The following ELMO1 variants were observed in gnomAD, a reference collection of about 807,000 sequenced individuals.
ELMO1 encodes the protein engulfment and cell motility protein 1.
A neutral mutation model predicts 98.9 loss-of-function variants in ELMO1; 26 were observed. That is an observed-to-expected ratio of 0.26 (90% CI 0.19 to 0.36). The LOEUF (loss-of-function observed/expected upper bound fraction) is 0.36, where lower values mean the gene tolerates loss of function less well. Among genes scored for constraint, ELMO1 ranks in the 10% least tolerant of loss-of-function variants. The pLI is 1.00. For synonymous variants in ELMO1, 346 were observed against 346.0 expected (o/e 1.00, Z 0.00); for missense variants, 627 against 935.2 (o/e 0.67, Z 4.30).
rs10676771 is a variant in ELMO1, at chr7:37,073,572, A to ATGTGTG, written c.1300+23041_1300+23046dup. Among the ~76,000 whole-genome samples the ATGTGTG allele has an allele frequency of 2.1e-3, 306 of 146,470 alleles. 1 individual carries two copies. The highest frequency in any genetic ancestry group is 6.0e-3 in the African/African-American group (240 of 40,040). ...ATCTGGTTTTTATTGTTGTTTTTGT[A>ATGTGTG]TGTGTGTGTGTGTGTGTGTGTGCAT... is the stretch of plus-strand genomic sequence containing the variant. On this transcript the variant is annotated intron_variant, in intron 15 of 21. Transcript: ENST00000310758.
At chr7:37,308,800 T>G (rs1798743624) in intron 4 of ELMO1, among the ~76,000 whole-genome samples, 1 of 152,012 alleles carries the variant, frequency 6.6e-6, no homozygotes, top group South Asian at 2.1e-4. Context: ...TCTAGGAGAG[T>G]CCAGTGCTTG....
At chr7:36,896,357 T>C (rs1002606681) in intron 16 of ELMO1, among the ~76,000 whole-genome samples, 4 of 152,202 alleles carry the variant, frequency 2.6e-5, no homozygotes, top group African/African-American at 9.6e-5. Context: ...AATATGCATA[T>C]GATATATTTC....
intron 15 of ELMO1, among the ~76,000 whole-genome samples, chr7:37,060,117 T>C (rs1796591008): frequency 6.6e-6 from 1 of 152,200 alleles, no homozygotes; most frequent in Non-Finnish European, 1.5e-5. Flanking sequence ...CATGCTTTCA[T>C]AAAGAGAACC....
intron 21 of ELMO1, among the ~76,000 whole-genome samples, chr7:36,857,695 A>G (rs557623915): frequency 2.6e-5 from 4 of 152,340 alleles, no homozygotes; most frequent in Admixed American, 2.6e-4. Context: ...TTTATCTTAA[A>G]AGAAAACCAC....
chr7:37,268,202 A>G (rs1194574717), intron 5 of ELMO1, among the ~76,000 whole-genome samples: 2 of 152,206 alleles, frequency 1.3e-5, no homozygotes, highest in East Asian at 1.9e-4. Context: ...GGCAGGTAGG[A>G]GACACTACAA....
chr7:37,401,560 G>A (rs1583691858), intron 1 of ELMO1, among the ~76,000 whole-genome samples: 1 of 152,176 alleles, frequency 6.6e-6, no homozygotes, highest in Admixed American at 6.5e-5. Context: ...TGGCTAAGGA[G>A]GCCTCAGGAA....
At chr7:37,432,874 T>C (rs1804988233) in intron 1 of ELMO1, among the ~76,000 whole-genome samples, 1 of 152,246 alleles carries the variant, frequency 6.6e-6, no homozygotes, top group Non-Finnish European at 1.5e-5. Context: ...CCCTGTAGGC[T>C]CTTGGGTGAC....
At chr7:36,876,244 G>T (rs944570599) in intron 19 of ELMO1, among the ~76,000 whole-genome samples, 1 of 152,110 alleles carries the variant, frequency 6.6e-6, no homozygotes, top group Non-Finnish European at 1.5e-5. Context: ...GAATGCTGGT[G>T]TGAGTTTTTC....
At chr7:37,318,137 T>C (rs1050882086) in intron 2 of ELMO1, among the ~76,000 whole-genome samples, 3 of 152,216 alleles carry the variant, frequency 2.0e-5, no homozygotes, top group African/African-American at 7.2e-5. Context: ...CCTAGGCCTT[T>C]GCAAGAAGCT....
At chr7:37,252,759 A>C (rs142273476) in intron 6 of ELMO1, among the ~76,000 whole-genome samples, 34,416 of 152,126 alleles carry the variant, frequency 0.23, 4,086 homozygotes, top group Middle Eastern at 0.32. Flanking sequence ...GAGCTTCTGC[A>C]CAGCAAAGGA....
intron 1 of ELMO1, among the ~76,000 whole-genome samples, chr7:37,356,882 C>T (rs1801520167): frequency 6.6e-6 from 1 of 152,152 alleles, no homozygotes; most frequent in African/African-American, 2.4e-5. Context: ...CAAAGTGGGT[C>T]ATAGAAACTA....
chr7:37,308,445 T>C (rs1294897494), intron 4 of ELMO1, among the ~76,000 whole-genome samples: 1 of 152,230 alleles, frequency 6.6e-6, no homozygotes, highest in African/African-American at 2.4e-5. Flanking sequence ...ACCATCAATC[T>C]AGCCCACTTT....
chr7:37,174,075 G>A (rs1055200912), intron 13 of ELMO1, among the ~76,000 whole-genome samples: 5 of 152,122 alleles, frequency 3.3e-5, no homozygotes, highest in African/African-American at 9.7e-5. Context: ...ATTCCTTAAC[G>A]TATTAAATGA....
chr7:37,097,275 C>T (rs1193734067), intron 14 of ELMO1, among the ~76,000 whole-genome samples: 2 of 152,168 alleles, frequency 1.3e-5, no homozygotes, highest in Admixed American at 6.5e-5. Flanking sequence ...TGGTGATTCA[C>T]GTCTGTAATC....
intron 16 of ELMO1, among the ~76,000 whole-genome samples, chr7:36,974,552 A>C (rs1025702549): frequency 5.3e-5 from 8 of 152,122 alleles, no homozygotes; most frequent in African/African-American, 1.7e-4. Flanking sequence ...GGGGAGGTGG[A>C]GGACCTTTGT....
At chr7:36,949,367 CAA>C (rs1787780048) in intron 16 of ELMO1, among the ~76,000 whole-genome samples, 3 of 152,044 alleles carry the variant, frequency 2.0e-5, no homozygotes, top group Non-Finnish European at 4.4e-5. Flanking sequence ...GAGACTCACA[CAA>C]GAGCTGAAAA....
chr7:37,355,199 T>C (rs1292419319), intron 1 of ELMO1, among the ~76,000 whole-genome samples: 1 of 152,208 alleles, frequency 6.6e-6, no homozygotes, highest in Non-Finnish European at 1.5e-5. Context: ...GAAAACGCTG[T>C]GACTCTGGAC....
At chr7:37,179,209 C>T (rs1790688077) in intron 13 of ELMO1, among the ~76,000 whole-genome samples, 1 of 151,582 alleles carries the variant, frequency 6.6e-6, no homozygotes, top group South Asian at 2.1e-4. Flanking sequence ...AGGGAACAGA[C>T]TGGCGAGGGG....
chr7:37,003,943 G>A (rs1021118222), intron 16 of ELMO1, among the ~76,000 whole-genome samples: 3 of 152,168 alleles, frequency 2.0e-5, no homozygotes, highest in Admixed American at 6.5e-5. Context: ...GTTGGCAATA[G>A]GGGGCACCTA....
Sources: gnomAD v4.1 joint callset for allele counts (sites outside exome capture counted in the v4.1 genomes callset) on GRCh38, gnomAD v4.1.1 for gene constraint, MANE v1.5 for transcripts, NCBI Gene and HGNC (gene_info 2026-07-23, HGNC 2026-07-21) for gene names.